Variants in ZNF200 observed in about 807,000 individuals in gnomAD.
The protein encoded by ZNF200 is zinc finger protein 200.
In ZNF200, 35 loss-of-function variants were observed where a neutral mutation model predicts 33.6. The observed-to-expected ratio is 1.04, with a 90% CI of 0.80 to 1.38. The LOEUF (loss-of-function observed/expected upper bound fraction) is 1.38, where lower values mean the gene tolerates loss of function less well. Ranked by LOEUF, ZNF200 falls within the 40% of genes most tolerant of loss-of-function variation. The pLI, the probability that ZNF200 is intolerant of heterozygous loss-of-function variation, is 0.00. For synonymous variants in ZNF200, 209 were observed against 167.7 expected, an observed-to-expected ratio of 1.25 and a Z score of -1.90; for missense variants, 592 against 470.6, an observed-to-expected ratio of 1.26 and a Z score of -2.39.
rs1397765548 is a variant in ZNF200 at position 3,233,612 on chromosome 16, C to T, written c.144G>A (p.Glu48=). The change falls in exon 2 of 5, where the codon GAG becomes GAA. Residue 48 remains glutamate, a synonymous_variant. Coordinates refer to ENST00000414144, the MANE Select transcript of ZNF200 (RefSeq NM_198088.3). ...GCTTGGGCAAGAAGGTGAGGAAGTG[C>T]TCCAGCACTAGCTGGTGGATGGTCT... ...GPKTIHQLVL[E]HFLTFLPKPS... is the part of the protein sequence containing the mutation. 1.9e-6 allele frequency: 3 copies of T among 1,613,736 alleles called. No homozygotes were observed. The highest frequency in any genetic ancestry group is 2.2e-5 in the East Asian group (1 of 44,894).
Position 3,224,622 on chromosome 16 carries a change from AAG to A in ZNF200, c.467-11_467-10del, listed in dbSNP as rs775191798. The A allele has an allele frequency of 5.7e-6, 9 of 1,571,302 alleles. No homozygotes were observed. The highest frequency in any genetic ancestry group is 2.3e-5 in the East Asian group (1 of 44,336). On this transcript the variant is annotated splice_polypyrimidine_tract_variant and intron_variant, in intron 4 of 4. Transcript: ENST00000414144. ...ATTACTGCCATTGACTGCTGAAACAAAGAGAGAATTTAACAACTTCTGAGAGA... is the reference window on the plus strand; with the variant it reads ...ATTACTGCCATTGACTGCTGAAACAAAGAGAATTTAACAACTTCTGAGAGA...
intron 4 of ZNF200, among the ~76,000 whole-genome samples, chr16:3,229,124 A>G (rs967813530): frequency 6.6e-6 from 1 of 152,130 alleles, no homozygotes; most frequent in Non-Finnish European, 1.5e-5. Context: ...ATATGGTAGG[A>G]TATGTGTGGA....
intron 1 of ZNF200, 119 bp from the exon 2 acceptor site, chr16:3,233,955 G>C (rs763248418): frequency 8.6e-6 from 6 of 698,766 alleles, no homozygotes; most frequent in African/African-American, 3.7e-5. Context: ...CTGGGATAGG[G>C]AAATCATAAC....
At chr16:3,225,154 G>GT (rs1958434249) in intron 4 of ZNF200, 1 of 152,424 alleles carries the variant, frequency 6.6e-6, no homozygotes, top group African/African-American at 2.4e-5. Flanking sequence ...TCATACAAAA[G>GT]TTTATTATTG....
intron 3 of ZNF200, 96 bp from the exon 4 acceptor site, chr16:3,232,643 A>G: frequency 6.5e-7 from 1 of 1,547,126 alleles, no homozygotes; most frequent in South Asian, 1.2e-5. Flanking sequence ...AAGGGAAGGG[A>G]TAGCAAGAGG....
chr16:3,229,018 TCA>T (rs1281527810), intron 4 of ZNF200, among the ~76,000 whole-genome samples: 1 of 152,230 alleles, frequency 6.6e-6, no homozygotes, highest in African/African-American at 2.4e-5. Context: ...CTGTACATAT[TCA>T]GTTTTTTTGT....
At chr16:3,231,915 T>A (rs2141641002) in intron 4 of ZNF200, among the ~76,000 whole-genome samples, 1 of 152,290 alleles carries the variant, frequency 6.6e-6, no homozygotes, top group East Asian at 1.9e-4. Context: ...GAGAAGTACA[T>A]GAGAGAATAA....
chr16:3,226,045 T>C (rs1399283108), intron 4 of ZNF200: 1 of 44,300 alleles, frequency 2.3e-5, no homozygotes, highest in Admixed American at 3.1e-4. Flanking sequence ...TAATTATTTT[T>C]TCTTTCTTTT....
At chr16:3,224,787 ATCTT>A in intron 4 of ZNF200, 174 bp from the exon 5 acceptor site, 1 of 710,874 alleles carries the variant, frequency 1.4e-6, no homozygotes, top group Non-Finnish European at 2.2e-6. Flanking sequence ...TAACTGATAA[ATCTT>A]TCCATCTACC....
chr16:3,228,754 C>T (rs529847407), intron 4 of ZNF200, among the ~76,000 whole-genome samples: 1 of 152,088 alleles, frequency 6.6e-6, no homozygotes, highest in Admixed American at 6.6e-5. Context: ...CCCGCCTTTG[C>T]CTCCCAAAGT....
intron 4 of ZNF200, among the ~76,000 whole-genome samples, chr16:3,228,558 G>A (rs961983691): frequency 6.6e-6 from 1 of 151,922 alleles, no homozygotes; most frequent in Non-Finnish European, 1.5e-5. Context: ...ACAATGATGT[G>A]ATCTCAGCTC....
At chr16:3,228,819 C>T (rs552601189) in intron 4 of ZNF200, among the ~76,000 whole-genome samples, 1 of 152,174 alleles carries the variant, frequency 6.6e-6, no homozygotes, top group African/African-American at 2.4e-5. Context: ...GATTTCAACA[C>T]GAGATTTGGA....
At chr16:3,228,644 A>G (rs1188338940) in intron 4 of ZNF200, among the ~76,000 whole-genome samples, 2 of 151,932 alleles carry the variant, frequency 1.3e-5, no homozygotes, top group Non-Finnish European at 2.9e-5. Context: ...ACAAGCACGC[A>G]CCACCACACC....
chr16:3,224,417 G>A lies in ZNF200; in HGVS notation c.663C>T (p.Thr221=), dbSNP rs1958415283. 2 of 1,613,988 alleles carry A rather than the reference G, an allele frequency of 1.2e-6. No individual in the cohort carries two copies. Among genetic ancestry groups the A allele is most frequent in the South Asian group, 2.2e-5 (2 of 91,070 alleles). Residue 221 remains threonine (T), a synonymous_variant, in exon 5 of 5, where the codon ACC becomes ACT. Coordinates refer to ENST00000414144, the MANE Select transcript of ZNF200 (RefSeq NM_198088.3). ...CCTCTAGAGGAGTATCATTCTCAATGGTAACTAACAGATTTCTCATTTTCC... is the reference window on the plus strand; with the variant it reads ...CCTCTAGAGGAGTATCATTCTCAATAGTAACTAACAGATTTCTCATTTTCC... ...QKRKMRNLLV[T]IENDTPLEEL... is the part of the protein sequence containing the mutation.
intron 2 of ZNF200, 126 bp from the exon 3 acceptor site, chr16:3,233,047 G>A (rs1415569916): frequency 2.5e-5 from 20 of 790,272 alleles, no homozygotes; most frequent in Non-Finnish European, 3.9e-5. Context: ...CTGCTCCTGT[G>A]AGCCCTTATA....
rs376806355 is a variant in ZNF200, at chr16:3,233,670, T to C, written c.86A>G (p.Gln29Arg). The C allele has an allele frequency of 5.0e-6, 8 of 1,613,778 alleles. No homozygotes were observed. In the African/African-American group the frequency reaches 1.1e-4, roughly 22 times the overall value. The stretch of plus-strand genomic sequence containing the variant: ...GTTAGTGGCATCTCGAAGTAGGTCT[T>C]GGCCCAGCTTGGAGTCTGGCGGAAC... ...LRVPPDSKLG[Q>R]DLLRDATNGP... is the part of the protein sequence containing the mutation. The change falls in exon 2 of 5, where the codon CAA becomes CGA. Residue 29 changes from glutamine (Q) to arginine (R), a missense_variant. By Grantham distance (43) the Gln-to-Arg change is conservative. Coordinates refer to ENST00000414144, the MANE Select transcript of ZNF200 (RefSeq NM_198088.3).
chr16:3,223,665 C>T lies in ZNF200; in HGVS notation c.*227G>A. ...TCATATAACTTCAAAAAGGAAAGCT[C>T]CTTAGTCCAAAAAGCCTAGATGCTG... On this transcript the variant is annotated 3_prime_UTR_variant, in exon 5 of 5. Transcript: ENST00000414144. The T allele has an allele frequency of 1.9e-6, 1 of 532,738 alleles. No individual in the cohort carries two copies. Among genetic ancestry groups the T allele is most frequent in the Non-Finnish European group, 3.1e-6 (1 of 319,252 alleles). The allele number at this position is 532,738 out of a possible 1,614,324, so 33.0% of individuals were successfully genotyped here. A position where few individuals can be genotyped will look rare whatever the true frequency, so the allele number is the denominator to read the frequency against.
In ZNF200 at chr16:3,224,321, A is replaced by AGT. The variant is rs1270465036; in HGVS notation, c.757_758dup (p.Cys254LeufsTer79). The AGT allele has an allele frequency of 6.2e-7, 1 of 1,614,104 alleles. No homozygotes were observed. ...TAAACTGTTTCCCACACAGTGGACA[A>AGT]GTGTACCATCTCCTTGTCCTCCGAT... On this transcript the variant is annotated frameshift_variant, in exon 5 of 5. Coordinates refer to ENST00000414144, the MANE Select transcript of ZNF200 (RefSeq NM_198088.3). LOFTEE classifies it high-confidence loss of function.
intron 2 of ZNF200, 83 bp downstream of exon 2, chr16:3,233,423 G>T: frequency 2.0e-6 from 3 of 1,467,840 alleles, no homozygotes; most frequent in East Asian, 2.4e-5. Context: ...ATCCTAACTT[G>T]AATTTATAAC....
Sources: gnomAD v4.1 joint callset for allele counts (sites outside exome capture counted in the v4.1 genomes callset) on GRCh38, gnomAD v4.1.1 for gene constraint, MANE v1.5 for transcripts, NCBI Gene and HGNC (gene_info 2026-07-23, HGNC 2026-07-21) for gene names.